The following SCML4 variants were observed in gnomAD, a reference collection of about 807,000 sequenced individuals.
SCML4 encodes Scm polycomb group protein like 4, also known as sex comb on midleg-like protein 4.
In SCML4, 34 loss-of-function variants were observed where a neutral mutation model predicts 41.1. The ratio of observed to expected loss-of-function variants is 0.83; its 90% CI spans 0.63 to 1.10. The LOEUF is 1.10. Ranked by LOEUF, SCML4 falls within the 50% of genes least tolerant of loss-of-function variation. The pLI is 0.00. For missense variants in SCML4, 522 were observed against 534.1 expected, an observed-to-expected ratio of 0.98 and a Z score of 0.22; for synonymous variants, 214 against 220.9, an observed-to-expected ratio of 0.97 and a Z score of 0.28.
Position 107,772,087 on chromosome 6 carries a change from T to C in SCML4, c.156+85A>G, listed in dbSNP as rs938236196. ...CTGTCTCTACCAAGCTCCCAACCTC[T>C]AGTGGCATTTTGCAGTGCAGGTCTG... On this transcript the variant is annotated intron_variant, in intron 2 of 7. Transcript: ENST00000369020. 9.9e-6 allele frequency: 12 copies of C among 1,217,714 alleles called. No homozygotes were observed. In the African/African-American group the frequency reaches 1.7e-4, roughly 17 times the overall value. The allele number at this position is 1,217,714 out of a possible 1,614,324, so 75.4% of individuals were successfully genotyped here.
At chr6:107,776,107 C>T (rs1180989862) in intron 1 of SCML4, among the ~76,000 whole-genome samples, 1 of 151,892 alleles carries the variant, frequency 6.6e-6, no homozygotes, top group Admixed American at 6.6e-5. Context: ...TTTCTAAGTA[C>T]TGGATATTAG....
intron 6 of SCML4, among the ~76,000 whole-genome samples, chr6:107,714,960 C>A (rs1774608962): frequency 1.5e-5 from 2 of 136,052 alleles, no homozygotes; most frequent in African/African-American, 2.6e-5. Context: ...TCCCTGGTGT[C>A]CCTGCACAAA....
chr6:107,762,487 C>G (rs912392049), intron 2 of SCML4, among the ~76,000 whole-genome samples: 1 of 152,196 alleles, frequency 6.6e-6, no homozygotes, highest in African/African-American at 2.4e-5. Flanking sequence ...AATCTCAACT[C>G]TCAGTACCTG....
At chr6:107,793,818 A>G (rs1288065668) in intron 1 of SCML4, among the ~76,000 whole-genome samples, 1 of 152,062 alleles carries the variant, frequency 6.6e-6, no homozygotes, top group African/African-American at 2.4e-5. Context: ...AGTGGCATGC[A>G]CCTGTGGTAC....
At chr6:107,749,402 G>A (rs1365997792) in intron 3 of SCML4, among the ~76,000 whole-genome samples, 2 of 151,984 alleles carry the variant, frequency 1.3e-5, no homozygotes, top group Non-Finnish European at 2.9e-5. Flanking sequence ...AGAAACATCT[G>A]GCCACCCTGT....
upstream of SCML4, among the ~76,000 whole-genome samples, chr6:107,828,279 C>T (rs1034401832): frequency 2.6e-5 from 4 of 152,330 alleles, no homozygotes; most frequent in Admixed American, 1.3e-4. Context: ...AACCCAATGA[C>T]ATGGGTGAAA....
At chr6:107,778,222 A>AAAAAAAAAT (rs1554218145) in intron 1 of SCML4, among the ~76,000 whole-genome samples, 2 of 15,538 alleles carry the variant, frequency 1.3e-4, no homozygotes, top group Non-Finnish European at 1.5e-4. Flanking sequence ...AAAAAAAAAA[A>AAAAAAAAAT]ATATATATAT....
chr6:107,782,777 C>G (rs1781616563), intron 1 of SCML4, among the ~76,000 whole-genome samples: 1 of 149,120 alleles, frequency 6.7e-6, no homozygotes, highest in Non-Finnish European at 1.5e-5. Flanking sequence ...AGCCAGATGG[C>G]AGGTGCTGGT....
chr6:107,743,841 A>G (rs1335189274), intron 5 of SCML4: 2 of 152,244 alleles, frequency 1.3e-5, no homozygotes, highest in Non-Finnish European at 2.9e-5. Context: ...CAGAGAATCT[A>G]AATTTATCCT....
chr6:107,812,512 G>T (rs1221371702), intron 1 of SCML4, among the ~76,000 whole-genome samples: 2 of 151,694 alleles, frequency 1.3e-5, no homozygotes, highest in Non-Finnish European at 2.9e-5. Flanking sequence ...AAGTGTTTCT[G>T]TGAGGGTGTT....
At chr6:107,745,308 C>T (rs1777975450) in intron 4 of SCML4, 165 bp from the exon 5 acceptor site, 1 of 590,380 alleles carries the variant, frequency 1.7e-6, no homozygotes, top group Admixed American at 3.1e-5. Flanking sequence ...TGGTGGGGAT[C>T]CCACCCAGGA....
intron 1 of SCML4, among the ~76,000 whole-genome samples, chr6:107,801,921 C>T (rs1199142480): frequency 6.7e-6 from 1 of 149,760 alleles, no homozygotes; most frequent in African/African-American, 2.6e-5. Context: ...CCCGCTACCA[C>T]ACCTGGCTAA....
chr6:107,711,406 A>G (rs1411911967), intron 6 of SCML4, among the ~76,000 whole-genome samples: 1 of 152,092 alleles, frequency 6.6e-6, no homozygotes, highest in African/African-American at 2.4e-5. Context: ...TTGTGTTGCA[A>G]TTTTCTCCAG....
chr6:107,742,486 T>A (rs544879944), intron 5 of SCML4, among the ~76,000 whole-genome samples: 1 of 152,178 alleles, frequency 6.6e-6, no homozygotes, highest in East Asian at 1.9e-4. Context: ...CCCCAAGGCA[T>A]ATATTATAAT....
At chr6:107,745,319 C>A in intron 4 of SCML4, 176 bp from the exon 5 acceptor site, 1 of 563,006 alleles carries the variant, frequency 1.8e-6, no homozygotes, top group Non-Finnish European at 3.2e-6. Context: ...CCACCCAGGA[C>A]ACCACATTAC....
intron 2 of SCML4, among the ~76,000 whole-genome samples, chr6:107,761,089 A>G (rs1779545967): frequency 6.6e-6 from 1 of 152,170 alleles, no homozygotes; most frequent in Non-Finnish European, 1.5e-5. Flanking sequence ...TATGGAAAAG[A>G]GGTTAAAAGA....
intron 5 of SCML4, among the ~76,000 whole-genome samples, chr6:107,737,275 G>C (rs1777166049): frequency 6.6e-6 from 1 of 152,144 alleles, no homozygotes; most frequent in Non-Finnish European, 1.5e-5. Context: ...TCTTCGGATT[G>C]GGGAAGGTTT....
At chr6:107,811,392 GTATTT>G (rs1375021418) in intron 1 of SCML4, among the ~76,000 whole-genome samples, 1 of 152,150 alleles carries the variant, frequency 6.6e-6, no homozygotes, top group Non-Finnish European at 1.5e-5. Flanking sequence ...GGTTCCTGGT[GTATTT>G]TATATTACTT....
chr6:107,804,620 A>G (rs1230365611), intron 1 of SCML4, among the ~76,000 whole-genome samples: 1 of 52,052 alleles, frequency 1.9e-5, no homozygotes, highest in Non-Finnish European at 5.1e-5. Context: ...TAGCTCTCCA[A>G]ACATCTTCTC....
Sources: allele counts gnomAD v4.1 joint callset (sites outside exome capture counted in the v4.1 genomes callset), GRCh38; gene constraint gnomAD v4.1.1; transcripts MANE v1.5; gene names NCBI Gene and HGNC (gene_info 2026-07-23, HGNC 2026-07-21).